SLC12A7: variants seen among roughly 807,000 people sequenced by gnomAD.
The protein encoded by SLC12A7 is solute carrier family 12 member 7.
Under a neutral mutation model 120.6 loss-of-function variants are expected in SLC12A7, and 100 were observed. That is an observed-to-expected ratio of 0.83 (90% CI 0.71 to 0.98). The LOEUF (loss-of-function observed/expected upper bound fraction) is 0.98. Ranked by LOEUF, SLC12A7 falls within the 50% of genes least tolerant of loss-of-function variation. SLC12A7 has a pLI of 0.00. For missense variants in SLC12A7, 1,373 were observed against 1,548.1 expected (o/e 0.89, Z 1.90); for synonymous variants, 760 against 678.0 (o/e 1.12, Z -1.88).
In SLC12A7 at chr5:1,075,770, C is replaced by T. The variant is rs1283654851; in HGVS notation, c.1848-280G>A. 3.3e-5 allele frequency: 17 copies of T among 508,614 alleles called. No individual in the cohort carries two copies. In the South Asian group the frequency reaches 4.4e-4, roughly 13 times the overall value. The allele number at this position is 508,614 out of a possible 1,614,324, so 31.5% of individuals were successfully genotyped here. A position where few individuals can be genotyped will look rare whatever the true frequency, so the allele number is the denominator to read the frequency against. ...CTGTGCATGCAACAAGGGGCTGAAGCGTCCACCCAGCGCCTGATTCCTGGG... is the reference window on the plus strand; with the variant it reads ...CTGTGCATGCAACAAGGGGCTGAAGTGTCCACCCAGCGCCTGATTCCTGGG... On this transcript the variant is annotated intron_variant, in intron 14 of 23. Transcript: ENST00000264930.
rs374411889 is a variant in SLC12A7 at position 1,108,733 on chromosome 5, A to G, written c.124+3135T>C. Reference sequence around the variant, plus strand: ...GCCATTCCCAAGGGCAGTGCAGAGCATGGCACCCAGCACCCGACAGGCGAG... The same window carrying G: ...GCCATTCCCAAGGGCAGTGCAGAGCGTGGCACCCAGCACCCGACAGGCGAG... On this transcript the variant is annotated intron_variant, in intron 1 of 23. Coordinates refer to ENST00000264930, the MANE Select transcript of SLC12A7 (RefSeq NM_006598.3). Among the ~76,000 whole-genome samples the G allele has an allele frequency of 1.9e-3, 286 of 152,346 alleles. 12 individuals are homozygous for G. The South Asian group carries it at 0.058, about 31-fold the overall frequency.
the SLC12A7 span, among the ~76,000 whole-genome samples, chr5:1,154,451 A>G: frequency 6.6e-6 from 1 of 152,022 alleles, no homozygotes; most frequent in African/African-American, 2.4e-5. Flanking sequence ...CATAATATAG[A>G]CACACACACC....
chr5:1,073,479 G>A (rs1027076542), intron 17 of SLC12A7, among the ~76,000 whole-genome samples, 154 bp downstream of exon 17: 18 of 152,346 alleles, frequency 1.2e-4, no homozygotes, highest in African/African-American at 3.1e-4. Context: ...GCCTTAGCGC[G>A]CTGCTCTGAG....
chr5:1,101,159 C>T (rs998291579), intron 1 of SLC12A7, among the ~76,000 whole-genome samples: 36 of 152,342 alleles, frequency 2.4e-4, no homozygotes, highest in African/African-American at 7.2e-4. Flanking sequence ...TCACCTGCCC[C>T]GAGCGGCCCT....
At chr5:1,057,136 C>CAAGGACCCCTCAGCGCTTGGCACTAG (rs549963431) in intron 22 of SLC12A7, 56 of 262,050 alleles carry the variant, frequency 2.1e-4, no homozygotes, top group South Asian at 3.9e-4. Context: ...CTAGGTCCTA[C>CAAGGACCCCTCAGCGCTTGGCACTAG]AAGGACCCCT....
Position 1,051,114 on chromosome 5 carries a change from G to A in SLC12A7, c.*1246C>T, listed in dbSNP as rs904211930. 2.3e-4 allele frequency: 89 copies of A among 395,474 alleles called. No individual in the cohort carries two copies. Among genetic ancestry groups the A allele is most frequent in the African/African-American group, 1.7e-3 (83 of 48,602 alleles). 24.5% of individuals were successfully genotyped at this position (395,474 alleles called of 1,614,324 possible). ...GTGCCACTGCCCGCAGCCTGCAAAT[G>A]TGACCACAACCTACAAAGCAGAAAC... On this transcript the variant is annotated 3_prime_UTR_variant, in exon 24 of 24. Transcript: ENST00000264930.
chr5:1,064,739 G>A (rs4975698), intron 18 of SLC12A7, among the ~76,000 whole-genome samples: 112,403 of 126,888 alleles, frequency 0.89, 50,703 homozygotes, highest in Non-Finnish European at 0.98. Context: ...AAGGGACAGC[G>A]AGGGGACGGC....
chr5:1,147,250 A>ACCC, the SLC12A7 span, among the ~76,000 whole-genome samples: 9 of 108,778 alleles, frequency 8.3e-5, no homozygotes, highest in Middle Eastern at 4.7e-3. Flanking sequence ...CCACCCCGCC[A>ACCC]CCCCCCCCGC....
chr5:1,098,074 A>T (rs1467422251), intron 1 of SLC12A7, among the ~76,000 whole-genome samples: 3 of 150,722 alleles, frequency 2.0e-5, no homozygotes, highest in South Asian at 4.2e-4. Context: ...AACCTTCTGC[A>T]CACCCAGCCG....
Position 1,085,288 on chromosome 5 carries a change from G to A in SLC12A7, c.861C>T (p.Ser287=), listed in dbSNP as rs1227919203. 6.2e-7 allele frequency: 1 copy of A among 1,612,512 alleles called. No homozygotes were observed. Among genetic ancestry groups the A allele is most frequent in the Non-Finnish European group, 8.5e-7 (1 of 1,179,862 alleles). ...TGACGCCGGCATAGATGGCCAGGAT[G>A]GACAGCACGACGCAGGCCAGGAAGA... ...ALVFLACVVL[S]ILAIYAGVIK... Residue 287 remains serine, a synonymous_variant, in exon 7 of 24, where the codon TCC becomes TCT. Transcript: ENST00000264930.
the SLC12A7 span, among the ~76,000 whole-genome samples, chr5:1,140,189 G>T: frequency 6.6e-6 from 1 of 152,200 alleles, no homozygotes; most frequent in East Asian, 1.9e-4. Flanking sequence ...CGTACCAGCC[G>T]CTGCAGCCCC....
At chr5:1,138,688 G>A in the SLC12A7 span, among the ~76,000 whole-genome samples, 1 of 152,172 alleles carries the variant, frequency 6.6e-6, no homozygotes, top group Non-Finnish European at 1.5e-5. Flanking sequence ...CAGGAATCAG[G>A]ACATAGATGT....
At chr5:1,065,525 C>G (rs1261073769) in intron 17 of SLC12A7, 47 bp from the exon 18 acceptor site, 3 of 1,480,502 alleles carry the variant, frequency 2.0e-6, no homozygotes, top group Non-Finnish European at 2.7e-6. Flanking sequence ...ATGGGGTGCA[C>G]AGACCCACGC....
At chr5:1,055,177 C>T (rs1461664170) in intron 22 of SLC12A7, among the ~76,000 whole-genome samples, 1 of 152,218 alleles carries the variant, frequency 6.6e-6, no homozygotes, top group Non-Finnish European at 1.5e-5. Flanking sequence ...TGTACACACA[C>T]AGGCATAGTC....
At chr5:1,120,673 C>T in the SLC12A7 span, among the ~76,000 whole-genome samples, 1 of 152,250 alleles carries the variant, frequency 6.6e-6, no homozygotes, top group African/African-American at 2.4e-5. Flanking sequence ...AGCCCACATT[C>T]CCATCAGCAG....
At chr5:1,082,319 G>A (rs1318834418) in intron 8 of SLC12A7, among the ~76,000 whole-genome samples, 1 of 144,810 alleles carries the variant, frequency 6.9e-6, no homozygotes, top group Non-Finnish European at 1.5e-5. Flanking sequence ...CCTCTCTAGG[G>A]TTCTGGAAAG....
intron 8 of SLC12A7, among the ~76,000 whole-genome samples, chr5:1,082,258 G>A (rs1187034593): frequency 2.0e-5 from 3 of 149,378 alleles, no homozygotes; most frequent in African/African-American, 7.5e-5. Context: ...CCTCTCTAGG[G>A]TTCTGGAAAG....
At position 1,093,549 on chromosome 5, in the gene SLC12A7, C is replaced by A; in HGVS notation, c.326G>T (p.Arg109Leu). The A allele has an allele frequency of 2.5e-6, 4 of 1,597,364 alleles. No homozygotes were observed. The part of the protein sequence containing the change: ...VVEHEEDEES[R>L]RREAKAPRMG... ...TGGCAGTACCTTGGCCTCCCGCCGCCGGCTCTCCTCGTCCTCCTCGTGCTC... is the reference window on the plus strand; with the variant it reads ...TGGCAGTACCTTGGCCTCCCGCCGCAGGCTCTCCTCGTCCTCCTCGTGCTC... Residue 109 changes from arginine (R) to leucine (L), a missense_variant, in exon 3 of 24, where the codon CGG (arginine) becomes CTG (leucine). Arg to Leu is a moderately radical substitution (Grantham distance 102, BLOSUM62 -2). Transcript: ENST00000264930.
rs774506127 is a variant in SLC12A7 at position 1,079,514 on chromosome 5, G to T, written c.1298-18C>A. 1.3e-6 allele frequency: 2 copies of T among 1,599,112 alleles called. No individual in the cohort carries two copies. The highest frequency in any genetic ancestry group is 8.6e-7 in the Non-Finnish European group (1 of 1,167,544). ...CATGATACCTGTGAACATGGAAAAT[G>T]CTGCAAAGACCCATCTGAGGAGTCA... is the stretch of plus-strand genomic sequence containing the variant. On this transcript the variant is annotated intron_variant, in intron 9 of 23. Coordinates refer to ENST00000264930, the MANE Select transcript of SLC12A7 (RefSeq NM_006598.3).
Sources: allele counts gnomAD v4.1 joint callset (sites outside exome capture counted in the v4.1 genomes callset), GRCh38; gene constraint gnomAD v4.1.1; transcripts MANE v1.5; gene names NCBI Gene and HGNC (gene_info 2026-07-23, HGNC 2026-07-21).